Variants in DGKB observed in about 807,000 individuals in gnomAD.
DGKB encodes the protein diacylglycerol kinase beta, also known as 90 kDa diacylglycerol kinase.
DGKB carries 67 observed loss-of-function variants against 114.3 expected under a neutral mutation model. The observed-to-expected ratio is 0.59, with a 90% CI of 0.48 to 0.72. The LOEUF (loss-of-function observed/expected upper bound fraction) is 0.72. DGKB is among the 30% of genes least tolerant of loss of function. The pLI, the probability that DGKB is intolerant of heterozygous loss-of-function variation, is 0.00. For synonymous variants in DGKB, 398 were observed against 323.1 expected, an observed-to-expected ratio of 1.23 and a Z score of -2.49; for missense variants, 907 against 975.2, an observed-to-expected ratio of 0.93 and a Z score of 0.93.
At chr7:14,734,520 G>C (rs544771368) in intron 5 of DGKB, among the ~76,000 whole-genome samples, 3 of 152,168 alleles carry the variant, frequency 2.0e-5, no homozygotes, top group African/African-American at 7.2e-5. Flanking sequence ...GTACAGTGAA[G>C]TTTTCAAGAG....
chr7:14,543,360 C>A (rs536435053), intron 20 of DGKB, among the ~76,000 whole-genome samples: 17 of 152,014 alleles, frequency 1.1e-4, no homozygotes, highest in African/African-American at 4.1e-4. Flanking sequence ...GGGAGGATCA[C>A]CTGAACTTAG....
intron 18 of DGKB, among the ~76,000 whole-genome samples, chr7:14,582,062 G>T (rs190276292): frequency 2.6e-4 from 40 of 152,252 alleles, no homozygotes; most frequent in African/African-American, 9.1e-4. Context: ...TGTATGCATA[G>T]ACAGAATGTT....
At chr7:14,905,776 T>A (rs367853777), upstream of DGKB, among the ~76,000 whole-genome samples, 1 of 152,228 alleles carries the variant, frequency 6.6e-6, no homozygotes, top group South Asian at 2.1e-4. Context: ...GTCTCTAGCA[T>A]CTACCAAAGT....
intron 2 of DGKB, among the ~76,000 whole-genome samples, chr7:14,839,548 C>T (rs1847632375): frequency 6.6e-6 from 1 of 151,696 alleles, no homozygotes. Flanking sequence ...ACTACATGTG[C>T]ATGCCAGCCT....
intron 7 of DGKB, among the ~76,000 whole-genome samples, chr7:14,700,769 T>C (rs543218150): frequency 6.6e-6 from 1 of 152,306 alleles, no homozygotes; most frequent in East Asian, 1.9e-4. Context: ...TCAGAGATCA[T>C]GTCTATTTCA....
Position 14,649,835 on chromosome 7 carries a change from G to A in DGKB, c.1135-19567C>T, listed in dbSNP as rs567432888. Among the ~76,000 whole-genome samples the A allele has an allele frequency of 5.7e-5, 8 of 140,604 alleles. No individual in the cohort carries two copies. The South Asian group carries it at 1.4e-3, about 25-fold the overall frequency. The allele number at this position is 140,604 out of a possible 152,430, so 92.2% of individuals were successfully genotyped here. ...GCAAATGGAAAACAAAAAAAGGCAG[G>A]GGTTGCAATCCTAGTCTCTGATAAA... On this transcript the variant is annotated intron_variant, in intron 13 of 25. Coordinates refer to ENST00000402815, the MANE Select transcript of DGKB (RefSeq NM_001350709.2).
chr7:14,642,262 A>AAATAGCAAT, intron 13 of DGKB, among the ~76,000 whole-genome samples: 1 of 152,270 alleles, frequency 6.6e-6, no homozygotes, highest in Non-Finnish European at 1.5e-5. Flanking sequence ...ATTCTTGACC[A>AAATAGCAAT]TCTAAAACTA....
intron 1 of DGKB, among the ~76,000 whole-genome samples, chr7:14,918,199 A>G (rs1212818154): frequency 6.6e-6 from 1 of 152,132 alleles, no homozygotes; most frequent in African/African-American, 2.4e-5. Flanking sequence ...CAATAAAAAC[A>G]TGTCTCCTCT....
At chr7:14,568,524 A>T (rs190317759) in intron 20 of DGKB, among the ~76,000 whole-genome samples, 57 of 152,276 alleles carry the variant, frequency 3.7e-4, no homozygotes, top group African/African-American at 1.4e-3. Flanking sequence ...TTAGCCATTC[A>T]GTTGTTGAAT....
At chr7:14,934,050 G>A (rs1433074149) in intron 1 of DGKB, among the ~76,000 whole-genome samples, 2 of 152,102 alleles carry the variant, frequency 1.3e-5, no homozygotes, top group Non-Finnish European at 2.9e-5. Context: ...CTATGGGCCT[G>A]AATACCCTTT....
chr7:14,943,202 A>T (rs1047637005), intron 1 of DGKB, among the ~76,000 whole-genome samples: 2 of 151,956 alleles, frequency 1.3e-5, no homozygotes, highest in African/African-American at 4.8e-5. Flanking sequence ...GTGTTATAAC[A>T]TTGTTCCTAG....
At chr7:14,598,243 A>G (rs1802931766) in intron 17 of DGKB, among the ~76,000 whole-genome samples, 1 of 152,202 alleles carries the variant, frequency 6.6e-6, no homozygotes. Flanking sequence ...TGATATAAAA[A>G]TGGCATTACT....
intron 17 of DGKB, 51 bp downstream of exon 17, chr7:14,607,379 TTTAA>T: frequency 1.1e-6 from 1 of 884,694 alleles, no homozygotes; most frequent in Non-Finnish European, 1.9e-6. Context: ...AGGCAGCTTA[TTTAA>T]TTAATTAACA....
chr7:14,851,986 G>A (rs1849411134), intron 1 of DGKB, among the ~76,000 whole-genome samples: 1 of 152,078 alleles, frequency 6.6e-6, no homozygotes, highest in African/African-American at 2.4e-5. Context: ...ACAGAAACAA[G>A]CCAATTCTAC....
intron 23 of DGKB, 31 bp downstream of exon 23, chr7:14,338,484 C>G (rs774546843): frequency 7.1e-7 from 1 of 1,413,432 alleles, no homozygotes; most frequent in Non-Finnish European, 9.5e-7. Flanking sequence ...GGTTAACAAG[C>G]AATTTAACAA....
At chr7:14,346,621 C>G (rs1812526769) in intron 21 of DGKB, among the ~76,000 whole-genome samples, 1 of 151,766 alleles carries the variant, frequency 6.6e-6, no homozygotes, top group Non-Finnish European at 1.5e-5. Context: ...TATATGTGAG[C>G]AGATATAAAC....
At chr7:14,869,747 T>TATATACACAATATATATTC in intron 1 of DGKB, among the ~76,000 whole-genome samples, 1 of 152,106 alleles carries the variant, frequency 6.6e-6, no homozygotes, top group Non-Finnish European at 1.5e-5. Context: ...TTTCAACAGT[T>TATATACACAATATATATTC]ATATACACAA....
At chr7:14,384,149 G>A (rs916180503) in intron 21 of DGKB, among the ~76,000 whole-genome samples, 10 of 152,216 alleles carry the variant, frequency 6.6e-5, no homozygotes, top group African/African-American at 7.2e-5. Context: ...TTTAATTTAC[G>A]TAAGTACATT....
At chr7:14,942,378 T>G (rs184907465) in intron 1 of DGKB, among the ~76,000 whole-genome samples, 4 of 152,142 alleles carry the variant, frequency 2.6e-5, no homozygotes, top group African/African-American at 9.6e-5. Context: ...AATTTAATAG[T>G]AAGAACATTA....
Sources: allele counts gnomAD v4.1 joint callset (sites outside exome capture counted in the v4.1 genomes callset), GRCh38; gene constraint gnomAD v4.1.1; transcripts MANE v1.5; gene names NCBI Gene and HGNC (gene_info 2026-07-23, HGNC 2026-07-21).